Variants in EPAS1 observed in about 807,000 individuals in gnomAD.
EPAS1 encodes the protein endothelial PAS domain-containing protein 1.
EPAS1 carries 23 observed loss-of-function variants against 87.9 expected under a neutral mutation model. The observed-to-expected ratio is 0.26, with a 90% confidence interval of 0.19 to 0.37. The LOEUF (loss-of-function observed/expected upper bound fraction) is 0.37. Among genes scored for constraint, EPAS1 ranks in the 10% least tolerant of loss-of-function variants. The probability of loss-of-function intolerance (pLI) is 1.00; values close to 1 mark genes in which losing one functional copy is unlikely to be tolerated. For synonymous variants in EPAS1, 508 were observed against 444.3 expected, an observed-to-expected ratio of 1.14 and a Z score of -1.80; for missense variants, 1,138 against 1,120.7, an observed-to-expected ratio of 1.02 and a Z score of -0.22.
intron 15 of EPAS1, 53 bp downstream of exon 15, chr2:46,382,651 A>C (rs1264653086): frequency 2.5e-6 from 4 of 1,607,114 alleles, no homozygotes; most frequent in Non-Finnish European, 3.4e-6. Flanking sequence ...TGCCAGGGGA[A>C]GCCCACGTCT....
rs1684734907 is a variant in EPAS1, at chr2:46,375,902, T to C, written c.1034+65T>C. 1 of 1,609,202 alleles carries C rather than the reference T, an allele frequency of 6.2e-7. No homozygotes were observed. The highest frequency in any genetic ancestry group is 1.7e-5 in the Admixed American group (1 of 59,992). ...GTGGGGGTGCCCAAGCTTCCCAGACTCAGGATGACAGGCCTAGGAGATGCC... is the reference window on the plus strand; with the variant it reads ...GTGGGGGTGCCCAAGCTTCCCAGACCCAGGATGACAGGCCTAGGAGATGCC... On this transcript the variant is annotated intron_variant, in intron 8 of 15. Transcript: ENST00000263734. This position sits in a 1 kb window ranked among gnomAD's most constrained non-coding sequence, Gnocchi z 4.1.
chr2:46,313,006 A>G (rs1332214740), intron 1 of EPAS1, among the ~76,000 whole-genome samples: 1 of 152,252 alleles, frequency 6.6e-6, no homozygotes, highest in Non-Finnish European at 1.5e-5. Context: ...GTTGCTTTGC[A>G]TCTTATGAGC....
At chr2:46,310,741 C>T (rs1683193367) in intron 1 of EPAS1, among the ~76,000 whole-genome samples, 1 of 152,240 alleles carries the variant, frequency 6.6e-6, no homozygotes, top group South Asian at 2.1e-4. Context: ...GAGAAGATTC[C>T]ATTCCAGGGA....
Position 46,375,426 on chromosome 2 carries a change from G to A in EPAS1, c.887-264G>A, listed in dbSNP as rs965499435. On this transcript the variant is annotated intron_variant, in intron 7 of 15. Transcript: ENST00000263734. The surrounding 1 kb of genome is among the most constrained non-coding windows in gnomAD (Gnocchi z 4.1). ...TGATGGGCCACTGCAAAGCTGCATAGTGAGCGGGTCCCTCCCTCAGTAGAC... is the reference window on the plus strand; with the variant it reads ...TGATGGGCCACTGCAAAGCTGCATAATGAGCGGGTCCCTCCCTCAGTAGAC... Among the ~76,000 whole-genome samples the A allele has an allele frequency of 2.0e-5, 3 of 152,190 alleles. No individual in the cohort carries two copies. The highest frequency in any genetic ancestry group is 4.4e-5 in the Non-Finnish European group (3 of 68,042).
In EPAS1 at chr2:46,375,941, C is replaced by T; in HGVS notation, c.1034+104C>T. The T allele has an allele frequency of 3.4e-6, 5 of 1,483,498 alleles. No homozygotes were observed. The highest frequency in any genetic ancestry group is 4.7e-6 in the Non-Finnish European group (5 of 1,065,970). 91.9% of individuals were successfully genotyped at this position (1,483,498 alleles called of 1,614,324 possible). The stretch of plus-strand genomic sequence containing the variant: ...CTAGGAGATGCCAGGCCTCTCAGCG[C>T]CCTGGGCACCACCTCAGGGAGGTCT... On this transcript the variant is annotated intron_variant, in intron 8 of 15. Coordinates refer to ENST00000263734, the MANE Select transcript of EPAS1 (RefSeq NM_001430.5). The surrounding 1 kb of genome is among the most constrained non-coding windows in gnomAD (Gnocchi z 4.1).
chr2:46,374,020 C>G (rs1453038887), intron 7 of EPAS1, among the ~76,000 whole-genome samples: 2 of 152,254 alleles, frequency 1.3e-5, no homozygotes, highest in African/African-American at 2.4e-5. Flanking sequence ...GTGCCAGGCA[C>G]TGTGCTGAAT....
At chr2:46,324,920 T>C (rs942544115) in intron 1 of EPAS1, among the ~76,000 whole-genome samples, 1 of 152,260 alleles carries the variant, frequency 6.6e-6, no homozygotes, top group Non-Finnish European at 1.5e-5. Flanking sequence ...CTCACCCAGC[T>C]TGGGCACAGG....
rs773962958 is a variant in EPAS1, at chr2:46,347,846, C to T, written c.217+783C>T. 2.0e-5 allele frequency among the ~76,000 whole-genome samples: 3 copies of T among 152,190 alleles called. No individual in the cohort carries two copies. Among genetic ancestry groups the T allele is most frequent in the African/African-American group, 4.8e-5 (2 of 41,450 alleles). ...GGTTTCAGATCCTAGGTGACATTCT[C>T]GTCAGGGGTGTCAGTTCTGTAAGGA... On this transcript the variant is annotated intron_variant, in intron 2 of 15. Transcript: ENST00000263734. This position sits in a 1 kb window ranked among gnomAD's most constrained non-coding sequence, Gnocchi z 4.2.
intron 13 of EPAS1, 65 bp downstream of exon 13, chr2:46,381,787 AGGGG>A: frequency 6.2e-7 from 1 of 1,607,028 alleles, no homozygotes. Flanking sequence ...GGCTGCTGAG[AGGGG>A]TGGGGATGTG....
intron 6 of EPAS1, 125 bp from the exon 7 acceptor site, chr2:46,369,702 A>C: frequency 1.4e-6 from 1 of 723,794 alleles, no homozygotes. Flanking sequence ...TACAACAAGA[A>C]AGTCTGGATT....
At chr2:46,326,417 G>C (rs980925237) in intron 1 of EPAS1, among the ~76,000 whole-genome samples, 2 of 152,142 alleles carry the variant, frequency 1.3e-5, no homozygotes, top group African/African-American at 4.8e-5. Flanking sequence ...GGAGTGGCTA[G>C]ATCACCTGCC....
At chr2:46,335,425 T>C (rs955923719) in intron 1 of EPAS1, among the ~76,000 whole-genome samples, 43 of 115,942 alleles carry the variant, frequency 3.7e-4, no homozygotes, top group African/African-American at 1.2e-3. Flanking sequence ...CCATCCAGAA[T>C]GTTTGACGAC....
intron 7 of EPAS1, among the ~76,000 whole-genome samples, chr2:46,373,785 A>T (rs1290363526): frequency 2.6e-5 from 4 of 152,228 alleles, no homozygotes; most frequent in Non-Finnish European, 5.9e-5. Context: ...CCCCAATAAC[A>T]TTTATTTTTA....
At position 46,375,222 on chromosome 2, in the gene EPAS1, AG is replaced by A. The variant is rs1398684326; in HGVS notation, c.887-466del. Among the ~76,000 whole-genome samples, 1 of 149,562 alleles carries A rather than the reference AG, an allele frequency of 6.7e-6. No homozygotes were observed. The highest frequency in any genetic ancestry group is 1.5e-5 in the Non-Finnish European group (1 of 67,366). ...AAACAAAAAAAACTGCCCTGAGGTC[AG>A]GCTTTCTCCAGGCTGCTTAGAAGTC... On this transcript the variant is annotated intron_variant, in intron 7 of 15. Coordinates refer to ENST00000263734, the MANE Select transcript of EPAS1 (RefSeq NM_001430.5). The surrounding 1 kb of genome is among the most constrained non-coding windows in gnomAD (Gnocchi z 4.1).
At chr2:46,359,682 A>AG (rs141546223) in intron 4 of EPAS1, among the ~76,000 whole-genome samples, 1 of 152,296 alleles carries the variant, frequency 6.6e-6, no homozygotes, top group East Asian at 1.9e-4. Context: ...GTTTAAGTGC[A>AG]GGGGCTGGTG....
chr2:46,370,079 T>C (rs1057181536), intron 7 of EPAS1, 146 bp downstream of exon 7: 33 of 731,816 alleles, frequency 4.5e-5, no homozygotes, highest in Non-Finnish European at 7.3e-5. Context: ...GCCCTCAAGA[T>C]GGTTAGAAAA....
intron 11 of EPAS1, among the ~76,000 whole-genome samples, chr2:46,379,029 A>T (rs905304457): frequency 9.2e-5 from 14 of 152,332 alleles, no homozygotes; most frequent in Non-Finnish European, 1.5e-4. Flanking sequence ...AACCGAAATG[A>T]TACCACTGCA....
At chr2:46,382,638 C>T (rs371697292) in intron 15 of EPAS1, 40 bp downstream of exon 15, 91 of 1,612,390 alleles carry the variant, frequency 5.6e-5, no homozygotes, top group African/African-American at 1.3e-5. Flanking sequence ...TCCCAGGATT[C>T]GATGCCAGGG....
rs35925160 is a variant in EPAS1, at chr2:46,302,118, C to CTCTG, written c.26+4182_26+4183insCTGT. 5.4e-3 allele frequency among the ~76,000 whole-genome samples: 686 copies of CTCTG among 127,636 alleles called. 6 individuals are homozygous for CTCTG. The highest frequency in any genetic ancestry group is 7.3e-3 in the Non-Finnish European group (462 of 63,136). 83.7% of individuals were successfully genotyped at this position (127,636 alleles called of 152,430 possible). ...TTACTTAGAATGTCCCTCTTTCTCT[C>CTCTG]TGTGTGTGTGTGTGTGTGTGTGTGT... On this transcript the variant is annotated intron_variant, in intron 1 of 15. Coordinates refer to ENST00000263734, the MANE Select transcript of EPAS1 (RefSeq NM_001430.5).
Sources: gnomAD v4.1 joint callset for allele counts (sites outside exome capture counted in the v4.1 genomes callset) on GRCh38, gnomAD v4.1.1 for gene constraint, Gnocchi (gnomAD v3.1) non-coding constraint, MANE v1.5 for transcripts, NCBI Gene and HGNC (gene_info 2026-07-23, HGNC 2026-07-21) for gene names.